Variants in MALRD1 observed in about 807,000 individuals in gnomAD.
MALRD1 encodes MAM and LDL receptor class A domain containing 1, also known as MAM and LDL-receptor class A domain-containing protein 1.
In MALRD1, 247 loss-of-function variants were observed where a neutral mutation model predicts 242.1. That is an observed-to-expected ratio of 1.02 (90% CI 0.92 to 1.13). MALRD1 has a LOEUF of 1.13. Ranked by LOEUF, MALRD1 falls within the 50% of genes most tolerant of loss-of-function variation. MALRD1 has a pLI of 0.00. For synonymous variants in MALRD1, 995 were observed against 866.6 expected, an observed-to-expected ratio of 1.15 and a Z score of -2.60; for missense variants, 2,989 against 2,533.1, an observed-to-expected ratio of 1.18 and a Z score of -3.86.
At chr10:19,515,275 C>T (rs952764717) in intron 31 of MALRD1, among the ~76,000 whole-genome samples, 1 of 152,106 alleles carries the variant, frequency 6.6e-6, no homozygotes, top group Admixed American at 6.5e-5. Context: ...TTACAGGGAA[C>T]ACTAGGAAGC....
chr10:19,109,138 C>G (rs72788935), intron 5 of MALRD1, among the ~76,000 whole-genome samples: 8,658 of 152,256 alleles, frequency 0.057, 319 homozygotes, highest in Non-Finnish European at 0.084. Context: ...TCAGTAATAC[C>G]TGAAGGTGTC....
intron 7 of MALRD1, among the ~76,000 whole-genome samples, chr10:19,128,015 G>A (rs965370666): frequency 6.6e-6 from 1 of 152,120 alleles, no homozygotes; most frequent in Non-Finnish European, 1.5e-5. Context: ...GAAATTAGGA[G>A]ATTTCTCTAC....
chr10:19,214,720 A>T (rs562561341), intron 18 of MALRD1, among the ~76,000 whole-genome samples: 1 of 152,318 alleles, frequency 6.6e-6, no homozygotes, highest in Non-Finnish European at 1.5e-5. Context: ...TATTAACTTA[A>T]GAAAAATGGG....
chr10:19,217,682 G>A (rs116424365), intron 18 of MALRD1, among the ~76,000 whole-genome samples: 2,483 of 151,872 alleles, frequency 0.016, 68 homozygotes, highest in African/African-American at 0.056. Flanking sequence ...GTGCACCATC[G>A]TGCCCAGCTA....
At chr10:19,574,707 T>C (rs2131485127) in intron 33 of MALRD1, among the ~76,000 whole-genome samples, 1 of 152,292 alleles carries the variant, frequency 6.6e-6, no homozygotes, top group Admixed American at 6.5e-5. Flanking sequence ...GTGAAATAGA[T>C]GATTGCTTAA....
intron 28 of MALRD1, among the ~76,000 whole-genome samples, chr10:19,434,580 A>G (rs922564747): frequency 1.4e-4 from 21 of 152,144 alleles, no homozygotes; most frequent in Middle Eastern, 3.4e-3. Flanking sequence ...TTAAAGAATT[A>G]TATATATTAA....
chr10:19,455,514 A>G (rs1835600515), intron 29 of MALRD1, among the ~76,000 whole-genome samples: 1 of 152,158 alleles, frequency 6.6e-6, no homozygotes, highest in South Asian at 2.1e-4. Flanking sequence ...CTTTTGCCTT[A>G]TGTTTTTCAT....
chr10:19,283,615 G>A lies in MALRD1; in HGVS notation c.3419+434G>A, dbSNP rs529013692. ...CTGTCTTCCTACTTTTTCTCACTCC[G>A]ATGTGTATTTGTCATACATGTATGA... On this transcript the variant is annotated intron_variant, in intron 21 of 39. Coordinates refer to ENST00000454679, the MANE Select transcript of MALRD1 (RefSeq NM_001142308.3). Among the ~76,000 whole-genome samples the A allele has an allele frequency of 2.4e-3, 359 of 151,058 alleles. 2 individuals are homozygous for A. The highest frequency in any genetic ancestry group is 8.3e-3 in the African/African-American group (339 of 41,074).
intron 12 of MALRD1, among the ~76,000 whole-genome samples, chr10:19,160,650 G>T (rs1834355268): frequency 3.0e-5 from 1 of 33,726 alleles, no homozygotes; most frequent in South Asian, 9.2e-4. Context: ...GCCTGTTATT[G>T]GTCTATTCAG....
intron 29 of MALRD1, among the ~76,000 whole-genome samples, chr10:19,480,026 G>A (rs1207142065): frequency 1.3e-5 from 2 of 152,174 alleles, no homozygotes; most frequent in African/African-American, 2.4e-5. Context: ...CCAGAAACAA[G>A]CATGTGCTAT....
chr10:19,505,900 A>G lies in MALRD1; in HGVS notation c.5320+7254A>G, dbSNP rs191491175. 9.9e-5 allele frequency among the ~76,000 whole-genome samples: 15 copies of G among 152,284 alleles called. No individual in the cohort carries two copies. In the East Asian group the frequency reaches 2.7e-3, roughly 28 times the overall value. ...GTTGGGGTTACACAGGATCATCACA[A>G]TAGGGAGTGGTTTTGAACCTTGGCT... is the stretch of plus-strand genomic sequence containing the variant. On this transcript the variant is annotated intron_variant, in intron 31 of 39. Coordinates refer to ENST00000454679, the MANE Select transcript of MALRD1 (RefSeq NM_001142308.3).
At chr10:19,374,034 C>A (rs1291801342) in intron 26 of MALRD1, among the ~76,000 whole-genome samples, 1 of 152,108 alleles carries the variant, frequency 6.6e-6, no homozygotes, top group East Asian at 1.9e-4. Context: ...GTTTAAGCGG[C>A]TATTTGTGAG....
rs139569929 is a variant in MALRD1, at chr10:19,085,053, A to G, written c.341-2787A>G. On this transcript the variant is annotated intron_variant, in intron 2 of 39. Transcript: ENST00000454679. ...ATGATAATGGTGATTATGTGTTTGC[A>G]TGTGGTATGTGTATTACTAGGCTGC... is the stretch of plus-strand genomic sequence containing the variant. 4.1e-3 allele frequency among the ~76,000 whole-genome samples: 616 copies of G among 151,964 alleles called. 1 individual carries two copies. Among genetic ancestry groups the G allele is most frequent in the Non-Finnish European group, 5.8e-3 (393 of 67,878 alleles).
chr10:19,528,614 T>C (rs1246776616), intron 31 of MALRD1, among the ~76,000 whole-genome samples: 1 of 152,068 alleles, frequency 6.6e-6, no homozygotes, highest in African/African-American at 2.4e-5. Context: ...GAAATAAAAA[T>C]AAATTTTATT....
At chr10:19,420,596 T>G (rs1421658229) in intron 28 of MALRD1, among the ~76,000 whole-genome samples, 2 of 152,124 alleles carry the variant, frequency 1.3e-5, no homozygotes, top group Non-Finnish European at 2.9e-5. Flanking sequence ...ACAAGCCATT[T>G]AATCAAGTTG....
intron 31 of MALRD1, among the ~76,000 whole-genome samples, chr10:19,519,279 T>C (rs1462021735): frequency 6.6e-6 from 1 of 152,176 alleles, no homozygotes; most frequent in Non-Finnish European, 1.5e-5. Flanking sequence ...TATTGTTGCC[T>C]CCTACTTTTA....
At chr10:19,565,717 A>T (rs1043958419) in intron 32 of MALRD1, among the ~76,000 whole-genome samples, 1 of 152,182 alleles carries the variant, frequency 6.6e-6, no homozygotes, top group Non-Finnish European at 1.5e-5. Context: ...TAGTCAATGG[A>T]TCCAAATTCC....
At position 19,095,451 on chromosome 10, in the gene MALRD1, A is replaced by G. The variant is rs550409980; in HGVS notation, c.597+7266A>G. ...TGAGACTGTACTCTGTTGAAGTCAA[A>G]TATCAGTGTTGGGAGTGTGGGTGGT... On this transcript the variant is annotated intron_variant, in intron 4 of 39. Coordinates refer to ENST00000454679, the MANE Select transcript of MALRD1 (RefSeq NM_001142308.3). Among the ~76,000 whole-genome samples the G allele has an allele frequency of 2.6e-4, 39 of 152,338 alleles. No homozygotes were observed. The Middle Eastern group carries it at 0.01, about 40-fold the overall frequency.
chr10:19,389,601 C>T lies in MALRD1; in HGVS notation c.4837C>T (p.Leu1613Phe), dbSNP rs1846249281. The change falls in exon 28 of 40, where the codon CTC becomes TTC. Residue 1613 changes from leucine to phenylalanine, a missense_variant. By Grantham distance (22) the Leu-to-Phe change is conservative (BLOSUM62 0). Coordinates refer to ENST00000454679, the MANE Select transcript of MALRD1 (RefSeq NM_001142308.3). Reference protein sequence around the residue: ...SAKATGSIQILIKTEKGLSKV... With the variant: ...SAKATGSIQIFIKTEKGLSKV... ...AAAGGCCACAGGATCCATTCAGATT[C>T]TCATCAAGGTAGGAACATGGCCTGT... 1.9e-6 allele frequency: 3 copies of T among 1,549,762 alleles called. No homozygotes were observed. Among genetic ancestry groups the T allele is most frequent in the Non-Finnish European group, 1.7e-6 (2 of 1,146,642 alleles).
Sources: allele counts gnomAD v4.1 joint callset (sites outside exome capture counted in the v4.1 genomes callset), GRCh38; gene constraint gnomAD v4.1.1; transcripts MANE v1.5; gene names NCBI Gene and HGNC (gene_info 2026-07-23, HGNC 2026-07-21).